The following MTUS2 variants were observed in gnomAD, a reference collection of about 807,000 sequenced individuals.
The protein encoded by MTUS2 is microtubule-associated tumor suppressor candidate 2.
Under a neutral mutation model 114.1 loss-of-function variants are expected in MTUS2, and 40 were observed. The ratio of observed to expected loss-of-function variants is 0.35; its 90% CI spans 0.27 to 0.46. The LOEUF (loss-of-function observed/expected upper bound fraction) is 0.46, where lower values mean the gene tolerates loss of function less well. Ranked by LOEUF, MTUS2 falls within the 20% of genes least tolerant of loss-of-function variation. The pLI is 1.00. For missense variants in MTUS2, 1,679 were observed against 1,705.4 expected, an observed-to-expected ratio of 0.98 and a Z score of 0.27; for synonymous variants, 688 against 672.0, an observed-to-expected ratio of 1.02 and a Z score of -0.37.
chr13:29,248,855 A>G (rs1477711043), intron 5 of MTUS2, among the ~76,000 whole-genome samples: 1 of 151,824 alleles, frequency 6.6e-6, no homozygotes, highest in African/African-American at 2.4e-5. Context: ...TATGTACCAC[A>G]TTTTCTTTAT....
chr13:29,464,582 G>A (rs986751298), intron 9 of MTUS2, among the ~76,000 whole-genome samples: 9 of 152,202 alleles, frequency 5.9e-5, no homozygotes, highest in African/African-American at 2.2e-4. Context: ...TGAGTATGGA[G>A]ACCTAGGGCC....
chr13:29,381,841 CT>C (rs1872232305), intron 8 of MTUS2, among the ~76,000 whole-genome samples: 1 of 146,104 alleles, frequency 6.8e-6, no homozygotes, highest in Non-Finnish European at 1.5e-5. Flanking sequence ...GAACCTCTCC[CT>C]ATTTTGATCA....
chr13:29,063,793 A>G (rs1460958150), intron 4 of MTUS2, among the ~76,000 whole-genome samples: 2 of 152,256 alleles, frequency 1.3e-5, no homozygotes, highest in Non-Finnish European at 2.9e-5. Flanking sequence ...TTCTGAAAAT[A>G]TGACAGTTTT....
intron 5 of MTUS2, among the ~76,000 whole-genome samples, chr13:29,194,887 C>T (rs972582006): frequency 6.7e-6 from 1 of 148,638 alleles, no homozygotes; most frequent in East Asian, 2.0e-4. Flanking sequence ...AAATGTGGCA[C>T]ATATACACCA....
At chr13:28,821,053 C>T (rs1566156197) in intron 1 of MTUS2, among the ~76,000 whole-genome samples, 1 of 151,844 alleles carries the variant, frequency 6.6e-6, no homozygotes, top group Non-Finnish European at 1.5e-5. Context: ...ATTACAGGCA[C>T]ACAAGTGATG....
intron 2 of MTUS2, among the ~76,000 whole-genome samples, chr13:28,879,645 G>A (rs1878168821): frequency 6.6e-6 from 1 of 152,122 alleles, no homozygotes. Context: ...CTCCTGAATA[G>A]GATATTTTGC....
intron 7 of MTUS2, among the ~76,000 whole-genome samples, chr13:29,339,118 G>T (rs1901244688): frequency 6.6e-6 from 1 of 152,152 alleles, no homozygotes; most frequent in Non-Finnish European, 1.5e-5. Flanking sequence ...GGTCCTCCCG[G>T]GGCGGCTCCT....
intron 2 of MTUS2, among the ~76,000 whole-genome samples, chr13:28,925,823 A>G (rs968773746): frequency 2.6e-5 from 4 of 152,242 alleles, no homozygotes; most frequent in Non-Finnish European, 4.4e-5. Flanking sequence ...TGGCAAACAC[A>G]TAATAGCTGT....
At chr13:29,350,112 C>T (rs1869096655) in intron 7 of MTUS2, among the ~76,000 whole-genome samples, 1 of 151,956 alleles carries the variant, frequency 6.6e-6, no homozygotes. Flanking sequence ...TATATCTTCA[C>T]TACTTTTCCT....
At chr13:28,894,987 T>C (rs929164381) in intron 2 of MTUS2, among the ~76,000 whole-genome samples, 3 of 152,204 alleles carry the variant, frequency 2.0e-5, no homozygotes, top group Non-Finnish European at 4.4e-5. Flanking sequence ...GATGAAACAG[T>C]TTAAAACAGA....
chr13:28,868,674 A>G (rs1185017932), intron 2 of MTUS2, among the ~76,000 whole-genome samples: 1 of 152,206 alleles, frequency 6.6e-6, no homozygotes. Flanking sequence ...ACCTGCCACC[A>G]TCAGTGTCAT....
chr13:29,464,497 C>T (rs767955501), intron 9 of MTUS2, among the ~76,000 whole-genome samples: 1 of 152,170 alleles, frequency 6.6e-6, no homozygotes, highest in Admixed American at 6.5e-5. Context: ...TTTTAAGCAG[C>T]CTTCCTGGCA....
chr13:29,189,505 A>G (rs561332224), intron 5 of MTUS2, among the ~76,000 whole-genome samples: 44 of 152,130 alleles, frequency 2.9e-4, no homozygotes, highest in African/African-American at 9.9e-4. Context: ...CTAATATAAA[A>G]CTAATGTTCT....
chr13:28,833,214 A>G (rs1361239019), intron 1 of MTUS2, among the ~76,000 whole-genome samples: 1 of 152,160 alleles, frequency 6.6e-6, no homozygotes, highest in Non-Finnish European at 1.5e-5. Context: ...TTCTTGGCTC[A>G]TTCTTTAAGG....
intron 8 of MTUS2, among the ~76,000 whole-genome samples, chr13:29,394,496 T>C (rs1160509305): frequency 1.3e-5 from 2 of 152,182 alleles, no homozygotes; most frequent in South Asian, 2.1e-4. Flanking sequence ...ACAGTCCTTA[T>C]TATGCAGGTG....
intron 6 of MTUS2, among the ~76,000 whole-genome samples, chr13:29,294,537 G>C (rs1245146267): frequency 2.0e-5 from 3 of 152,072 alleles, no homozygotes; most frequent in Non-Finnish European, 4.4e-5. Context: ...TTCCCTAGAA[G>C]GGCTCATAGG....
chr13:29,361,576 ATTAGACCAGGAGGTG>A, intron 8 of MTUS2, among the ~76,000 whole-genome samples: 1 of 152,302 alleles, frequency 6.6e-6, no homozygotes, highest in South Asian at 2.1e-4. Flanking sequence ...GTAATACTGA[ATTAGACCAGGAGGTG>A]TGACATGGGG....
intron 6 of MTUS2, among the ~76,000 whole-genome samples, chr13:29,297,722 C>T (rs924861436): frequency 6.6e-6 from 1 of 152,126 alleles, no homozygotes; most frequent in Non-Finnish European, 1.5e-5. Context: ...CAGATGCAGG[C>T]GAAGAGCTAA....
chr13:29,352,203 A>G (rs1239277302), intron 7 of MTUS2, among the ~76,000 whole-genome samples: 2 of 152,080 alleles, frequency 1.3e-5, no homozygotes, highest in Non-Finnish European at 1.5e-5. Flanking sequence ...AAATTATACA[A>G]CTTCTCTCTC....
Sources: gnomAD v4.1 joint callset for allele counts (sites outside exome capture counted in the v4.1 genomes callset) on GRCh38, gnomAD v4.1.1 for gene constraint, MANE v1.5 for transcripts, NCBI Gene and HGNC (gene_info 2026-07-23, HGNC 2026-07-21) for gene names.